Variants in CDH8 observed in about 807,000 individuals in gnomAD.
The protein encoded by CDH8 is cadherin-8.
In CDH8, 17 loss-of-function variants were observed where a neutral mutation model predicts 68.1. That is an observed-to-expected ratio of 0.25 (90% CI 0.17 to 0.37). CDH8 has a LOEUF of 0.37. CDH8 is among the 10% of genes least tolerant of loss of function. The pLI, the probability that CDH8 is intolerant of heterozygous loss-of-function variation, is 1.00. For synonymous variants in CDH8, 372 were observed against 365.1 expected (o/e 1.02, Z -0.21); for missense variants, 763 against 999.3 (o/e 0.76, Z 3.19).
intron 2 of CDH8, among the ~76,000 whole-genome samples, chr16:61,960,519 A>G (rs929218505): frequency 1.3e-5 from 2 of 152,048 alleles, no homozygotes; most frequent in African/African-American, 4.8e-5. Context: ...ATCACTCGGT[A>G]AAAGTGTTTA....
intron 2 of CDH8, among the ~76,000 whole-genome samples, chr16:61,938,872 A>G (rs1343396663): frequency 6.6e-6 from 1 of 152,182 alleles, no homozygotes; most frequent in Non-Finnish European, 1.5e-5. Context: ...TTCTCCATAA[A>G]TGGGATGATA....
intron 8 of CDH8, among the ~76,000 whole-genome samples, chr16:61,756,620 T>C (rs1960326653): frequency 6.6e-6 from 1 of 152,206 alleles, no homozygotes; most frequent in Admixed American, 6.5e-5. Flanking sequence ...TTTAACATAG[T>C]GTGCTATCCC....
chr16:61,897,017 T>G (rs2143233811), intron 3 of CDH8, among the ~76,000 whole-genome samples: 1 of 150,642 alleles, frequency 6.6e-6, no homozygotes, highest in Non-Finnish European at 1.5e-5. Flanking sequence ...TCCTCTGTGG[T>G]TTTTGGAAGA....
chr16:61,746,625 C>A (rs2142937012), intron 8 of CDH8, among the ~76,000 whole-genome samples: 1 of 150,842 alleles, frequency 6.6e-6, no homozygotes. Context: ...TTATTTCCCC[C>A]AAGAAAAATA....
At chr16:61,765,402 A>G (rs930041378) in intron 8 of CDH8, among the ~76,000 whole-genome samples, 1 of 151,980 alleles carries the variant, frequency 6.6e-6, no homozygotes, top group African/African-American at 2.4e-5. Context: ...TAAATAGACA[A>G]TTATGGTTTG....
chr16:62,027,021 A>G (rs1041671024), intron 1 of CDH8, among the ~76,000 whole-genome samples: 2 of 152,218 alleles, frequency 1.3e-5, no homozygotes, highest in African/African-American at 4.8e-5. Context: ...GGTAAAAGAA[A>G]TCAATTTATT....
At chr16:61,717,727 G>C (rs1042232288) in intron 9 of CDH8, among the ~76,000 whole-genome samples, 6 of 151,012 alleles carry the variant, frequency 4.0e-5, no homozygotes, top group African/African-American at 1.5e-4. Flanking sequence ...TTATGTGTCA[G>C]GGGGATATAT....
intron 3 of CDH8, among the ~76,000 whole-genome samples, chr16:61,896,660 C>T (rs369529504): frequency 9.9e-5 from 15 of 152,172 alleles, no homozygotes; most frequent in African/African-American, 3.4e-4. Flanking sequence ...ATGCAGCCGC[C>T]TCTGCTTCCT....
intron 4 of CDH8, among the ~76,000 whole-genome samples, chr16:61,856,670 T>A (rs1470889302): frequency 6.6e-6 from 1 of 152,164 alleles, no homozygotes; most frequent in East Asian, 1.9e-4. Context: ...GATTACCACA[T>A]GACGTGCACT....
chr16:61,912,195 G>C (rs1964173719), intron 2 of CDH8, among the ~76,000 whole-genome samples: 1 of 151,916 alleles, frequency 6.6e-6, no homozygotes, highest in African/African-American at 2.4e-5. Context: ...AAAATGCTAT[G>C]AACTTGGAAG....
chr16:61,942,851 C>A (rs1296716906), intron 2 of CDH8, among the ~76,000 whole-genome samples: 1 of 152,176 alleles, frequency 6.6e-6, no homozygotes, highest in Non-Finnish European at 1.5e-5. Flanking sequence ...GTGTGAGGCT[C>A]ACTTGAGCCC....
chr16:62,019,086 A>T (rs1902011670), intron 2 of CDH8, among the ~76,000 whole-genome samples: 1 of 152,234 alleles, frequency 6.6e-6, no homozygotes. Context: ...TAAAAAGATA[A>T]CTAAGAAAAG....
intron 10 of CDH8, among the ~76,000 whole-genome samples, chr16:61,696,263 T>C (rs1396090992): frequency 6.6e-6 from 1 of 152,200 alleles, no homozygotes; most frequent in Non-Finnish European, 1.5e-5. Flanking sequence ...CCATTTCTTC[T>C]GATTGCAATG....
At chr16:61,799,108 A>G (rs891194589) in intron 7 of CDH8, among the ~76,000 whole-genome samples, 7 of 152,118 alleles carry the variant, frequency 4.6e-5, no homozygotes, top group African/African-American at 7.2e-5. Flanking sequence ...AAGAAGCCCA[A>G]TCGATTTCTA....
At chr16:61,845,517 A>G (rs1962788393) in intron 4 of CDH8, among the ~76,000 whole-genome samples, 1 of 151,702 alleles carries the variant, frequency 6.6e-6, no homozygotes, top group Admixed American at 6.6e-5. Context: ...AAAAAAAAAA[A>G]AAAAACTATC....
chr16:61,703,127 A>G lies in CDH8; in HGVS notation c.1654+10714T>C, dbSNP rs1313756096. On this transcript the variant is annotated intron_variant, in intron 10 of 11. Transcript: ENST00000577390. The stretch of plus-strand genomic sequence containing the variant: ...TGCTTCCTAATTTATAACATAATTC[A>G]TATTTCTGAAAAAACTATTTCACAA... Among the ~76,000 whole-genome samples the G allele has an allele frequency of 2.0e-5, 3 of 152,326 alleles. No homozygotes were observed. The East Asian group carries it at 5.8e-4, about 29-fold the overall frequency.
intron 8 of CDH8, among the ~76,000 whole-genome samples, chr16:61,768,383 T>TCC (rs1960680419): frequency 1.2e-4 from 12 of 100,856 alleles, no homozygotes; most frequent in African/African-American, 4.9e-4. Flanking sequence ...TCTCTCTCTC[T>TCC]CTCTCTCTCT....
At chr16:61,818,230 T>A (rs1962126191) in intron 6 of CDH8, among the ~76,000 whole-genome samples, 2 of 152,160 alleles carry the variant, frequency 1.3e-5, no homozygotes, top group African/African-American at 4.8e-5. Context: ...AAGCATAATT[T>A]AGCACTAATC....
chr16:61,948,837 G>C (rs141500970), intron 2 of CDH8, among the ~76,000 whole-genome samples: 1 of 151,924 alleles, frequency 6.6e-6, no homozygotes, highest in African/African-American at 2.4e-5. Context: ...CTCTTCTTTC[G>C]AATCGCATAA....
Sources: allele counts gnomAD v4.1 joint callset (sites outside exome capture counted in the v4.1 genomes callset), GRCh38; gene constraint gnomAD v4.1.1; transcripts MANE v1.5; gene names NCBI Gene and HGNC (gene_info 2026-07-23, HGNC 2026-07-21).